JMJD1C: variants seen among roughly 807,000 people sequenced by gnomAD.
The protein encoded by JMJD1C is jumonji domain-containing protein 1C.
In JMJD1C, 31 loss-of-function variants were observed where a neutral mutation model predicts 245.3. The ratio of observed to expected loss-of-function variants is 0.13; its 90% CI spans 0.09 to 0.17. The LOEUF is 0.17. Among genes scored for constraint, JMJD1C ranks in the 10% least tolerant of loss-of-function variants. The pLI is 1.00. For synonymous variants in JMJD1C, 1,057 were observed against 1,017.4 expected (o/e 1.04, Z -0.74); for missense variants, 2,691 against 3,000.2 (o/e 0.90, Z 2.41).
At chr10:63,269,260 C>T (rs1252895265) in intron 2 of JMJD1C, 14 of 960,536 alleles carry the variant, frequency 1.5e-5, no homozygotes, top group African/African-American at 1.8e-5. Context: ...AGGGAAGAGG[C>T]GGTGCTCTGT....
chr10:63,284,817 ACCAATCG>A (rs1857781012), intron 2 of JMJD1C, among the ~76,000 whole-genome samples: 1 of 151,470 alleles, frequency 6.6e-6, no homozygotes, highest in East Asian at 1.9e-4. Context: ...CAAGGCCAGA[ACCAATCG>A]TGCACAAGAT....
At chr10:63,292,386 C>A (rs1379996464) in intron 2 of JMJD1C, among the ~76,000 whole-genome samples, 1 of 151,746 alleles carries the variant, frequency 6.6e-6, no homozygotes, top group Non-Finnish European at 1.5e-5. Context: ...CCAAGGTGGG[C>A]AACTGCTTGA....
intron 1 of JMJD1C, among the ~76,000 whole-genome samples, chr10:63,440,998 C>T (rs1011286211): frequency 6.6e-6 from 1 of 152,110 alleles, no homozygotes; most frequent in Non-Finnish European, 1.5e-5. Flanking sequence ...AGGAAAAGTG[C>T]TTGAGGTCAG....
chr10:63,391,947 A>G (rs1047988457), intron 1 of JMJD1C, among the ~76,000 whole-genome samples: 1 of 152,198 alleles, frequency 6.6e-6, no homozygotes, highest in Non-Finnish European at 1.5e-5. Flanking sequence ...GGTTAAATTA[A>G]AATCATGTAC....
At chr10:63,199,324 G>T (rs1845773898) in intron 11 of JMJD1C, among the ~76,000 whole-genome samples, 1 of 152,070 alleles carries the variant, frequency 6.6e-6, no homozygotes, top group Non-Finnish European at 1.5e-5. Flanking sequence ...AGGCAAAATT[G>T]CCATTCTCTT....
upstream of JMJD1C, among the ~76,000 whole-genome samples, chr10:63,467,648 G>C (rs1030950937): frequency 1.3e-5 from 2 of 152,360 alleles, no homozygotes; most frequent in Non-Finnish European, 1.5e-5. Context: ...AGTGTACACT[G>C]TATAATACTT....
chr10:63,300,891 CA>C (rs59953949), intron 2 of JMJD1C, among the ~76,000 whole-genome samples: 42 of 139,944 alleles, frequency 3.0e-4, no homozygotes, highest in Admixed American at 4.3e-4. Context: ...GACTCTGTCT[CA>C]AAAAAAAAAA....
At position 63,465,596 on chromosome 10, in the gene JMJD1C, C is replaced by T. The variant is rs971091240; in HGVS notation, c.67G>A (p.Ala23Thr). 2.9e-5 allele frequency: 46 copies of T among 1,609,612 alleles called. No homozygotes were observed. The highest frequency in any genetic ancestry group is 3.9e-5 in the Non-Finnish European group (46 of 1,179,872). ...RFLCVAVGDEARSERWESGRG... is the reference protein window; with the variant it reads ...RFLCVAVGDETRSERWESGRG... ...CCGCTCTCCCAGCGCTCCGAACGTGCCTCGTCGCCGACCGCCACACACAGG... is the reference window on the plus strand; with the variant it reads ...CCGCTCTCCCAGCGCTCCGAACGTGTCTCGTCGCCGACCGCCACACACAGG... Residue 23 changes from alanine (A) to threonine (T), a missense_variant, in exon 1 of 26, where the codon GCA (alanine) becomes ACA (threonine). Ala to Thr is a moderately conservative substitution (Grantham distance 58, BLOSUM62 0). Transcript: ENST00000399262.
In JMJD1C at chr10:63,184,664, T is replaced by C; in HGVS notation, c.6905A>G (p.His2302Arg). Reference sequence around the variant, plus strand: ...AGGACGTACAAAAAATCCTGGCAAATGAGAGGCCAAATTGAATTTTCCTTC... The same window carrying C: ...AGGACGTACAAAAAATCCTGGCAAACGAGAGGCCAAATTGAATTTTCCTTC... ...NPEGKFNLAS[H>R]LPGFFVRPDL... The change falls in exon 21 of 26, where the codon CAT becomes CGT. Residue 2302 changes from histidine (H) to arginine (R), a missense_variant. Coordinates refer to ENST00000399262, the MANE Select transcript of JMJD1C (RefSeq NM_032776.3). 1 of 1,613,986 alleles carries C rather than the reference T, an allele frequency of 6.2e-7. No individual in the cohort carries two copies. The highest frequency in any genetic ancestry group is 8.5e-7 in the Non-Finnish European group (1 of 1,179,902).
intron 1 of JMJD1C, among the ~76,000 whole-genome samples, chr10:63,479,320 G>A (rs74377440): frequency 8.9e-4 from 130 of 145,740 alleles, no homozygotes; most frequent in African/African-American, 3.1e-3. Context: ...CCCAGATGTC[G>A]TATCATCTCA....
At chr10:63,218,448 T>C (rs1443917906) in intron 4 of JMJD1C, among the ~76,000 whole-genome samples, 1 of 152,114 alleles carries the variant, frequency 6.6e-6, no homozygotes, top group Admixed American at 6.5e-5. Flanking sequence ...TTAGTAGCCA[T>C]ATCCATTATA....
At chr10:63,189,490 A>G (rs1052202962) in intron 17 of JMJD1C, 44 bp from the exon 18 acceptor site, 2 of 1,518,798 alleles carry the variant, frequency 1.3e-6, no homozygotes, top group Non-Finnish European at 1.8e-6. Context: ...TTTTTGAGAG[A>G]AATCAAATAC....
At chr10:63,212,712 A>G (rs1369274274) in intron 8 of JMJD1C, among the ~76,000 whole-genome samples, 1 of 152,132 alleles carries the variant, frequency 6.6e-6, no homozygotes, top group Non-Finnish European at 1.5e-5. Context: ...TCTGGAGAAT[A>G]TAACAATTTG....
chr10:63,387,040 A>C (rs1209686216), intron 1 of JMJD1C, among the ~76,000 whole-genome samples: 1 of 152,220 alleles, frequency 6.6e-6, no homozygotes, highest in Non-Finnish European at 1.5e-5. Context: ...CCACAGAAGA[A>C]ATCACAGACA....
At chr10:63,186,517 T>C (rs1844147202) in intron 18 of JMJD1C, 134 bp from the exon 19 acceptor site, 2 of 605,510 alleles carry the variant, frequency 3.3e-6, no homozygotes, top group Non-Finnish European at 5.4e-6. Context: ...TACCTGACTG[T>C]CACCCTTTGG....
chr10:63,367,229 T>G (rs1015031469), intron 2 of JMJD1C, among the ~76,000 whole-genome samples: 5 of 152,064 alleles, frequency 3.3e-5, no homozygotes, highest in African/African-American at 4.8e-5. Context: ...ACCCTAGTTT[T>G]TTTTTGTTTT....
chr10:63,210,319 G>C (rs1460511105), intron 8 of JMJD1C, among the ~76,000 whole-genome samples: 1 of 151,756 alleles, frequency 6.6e-6, no homozygotes, highest in Non-Finnish European at 1.5e-5. Flanking sequence ...CTTCACTTTT[G>C]GTCAATAGTA....
At chr10:63,268,186 C>T (rs1040133888) in intron 2 of JMJD1C, among the ~76,000 whole-genome samples, 2 of 140,372 alleles carry the variant, frequency 1.4e-5, no homozygotes, top group African/African-American at 2.7e-5. Context: ...AATACTAAAG[C>T]AGAAAACAAC....
At chr10:63,387,277 T>C (rs1244068668) in intron 1 of JMJD1C, among the ~76,000 whole-genome samples, 1 of 152,146 alleles carries the variant, frequency 6.6e-6, no homozygotes, top group Admixed American at 6.6e-5. Flanking sequence ...CAAGAAAATG[T>C]GAATCCATGA....
Sources: gnomAD v4.1 joint callset for allele counts (sites outside exome capture counted in the v4.1 genomes callset) on GRCh38, gnomAD v4.1.1 for gene constraint, MANE v1.5 for transcripts, NCBI Gene and HGNC (gene_info 2026-07-23, HGNC 2026-07-21) for gene names.